The following PAK5 variants were observed in gnomAD, a reference collection of about 807,000 sequenced individuals.
The protein encoded by PAK5 is p21 (RAC1) activated kinase 5.
A neutral mutation model predicts 65.9 loss-of-function variants in PAK5; 16 were observed. The ratio of observed to expected loss-of-function variants is 0.24; its 90% confidence interval spans 0.16 to 0.37. The LOEUF (loss-of-function observed/expected upper bound fraction) is 0.37, where lower values mean the gene tolerates loss of function less well. Ranked by LOEUF, PAK5 falls within the 10% of genes least tolerant of loss-of-function variation. PAK5 has a pLI of 1.00. For synonymous variants in PAK5, 371 were observed against 354.9 expected (o/e 1.05, Z -0.51); for missense variants, 785 against 903.9 (o/e 0.87, Z 1.69).
chr20:9,736,202 A>G (rs1375143790), intron 1 of PAK5, among the ~76,000 whole-genome samples: 1 of 152,022 alleles, frequency 6.6e-6, no homozygotes, highest in Non-Finnish European at 1.5e-5. Context: ...CGCCAGGCCA[A>G]TAGAAACAAT....
At position 9,581,679 on chromosome 20, in the gene PAK5, A is replaced by C. The variant is rs376107451; in HGVS notation, c.205-749T>G. Reference sequence around the variant, plus strand: ...GTAATGATGGTTGCACCTGGATCTTAGTGACAAATTGTTCCCTTTAATGAA... The same window carrying C: ...GTAATGATGGTTGCACCTGGATCTTCGTGACAAATTGTTCCCTTTAATGAA... On this transcript the variant is annotated intron_variant, in intron 3 of 9. Transcript: ENST00000353224. Among the ~76,000 whole-genome samples the C allele has an allele frequency of 6.6e-5, 10 of 152,294 alleles. No individual in the cohort carries two copies. In the East Asian group the frequency reaches 1.7e-3, roughly 26 times the overall value.
chr20:9,632,867 G>A (rs926433903), intron 3 of PAK5, among the ~76,000 whole-genome samples: 1 of 152,194 alleles, frequency 6.6e-6, no homozygotes, highest in African/African-American at 2.4e-5. Flanking sequence ...ACAGTGATGT[G>A]GTGATTACAA....
At chr20:9,593,283 A>G (rs1000418931) in intron 3 of PAK5, among the ~76,000 whole-genome samples, 2 of 152,044 alleles carry the variant, frequency 1.3e-5, no homozygotes, top group African/African-American at 4.8e-5. Context: ...CAGCCTGAGC[A>G]ACAGAGTGAG....
At chr20:9,770,712 G>A (rs919781754) in intron 1 of PAK5, among the ~76,000 whole-genome samples, 1 of 152,154 alleles carries the variant, frequency 6.6e-6, no homozygotes, top group Non-Finnish European at 1.5e-5. Context: ...AGAAAATTGG[G>A]ACATGAAGAG....
At chr20:9,612,604 GT>G (rs762652906) in intron 3 of PAK5, among the ~76,000 whole-genome samples, 1 of 152,048 alleles carries the variant, frequency 6.6e-6, no homozygotes, top group Non-Finnish European at 1.5e-5. Context: ...TACCAAGACG[GT>G]TGGTGCTAAA....
intron 2 of PAK5, among the ~76,000 whole-genome samples, chr20:9,674,115 A>C (rs953457840): frequency 1.3e-5 from 2 of 152,214 alleles, no homozygotes; most frequent in Admixed American, 6.5e-5. Flanking sequence ...GAAAAGCCCC[A>C]AAAGCCAGGA....
chr20:9,665,663 T>C (rs78373417), intron 2 of PAK5, among the ~76,000 whole-genome samples: 3 of 92,202 alleles, frequency 3.3e-5, no homozygotes, highest in Admixed American at 1.0e-4. Flanking sequence ...TTTTCTTTTC[T>C]TTTTTTTTTT....
In PAK5 at chr20:9,653,283, A is replaced by G. The variant is rs146257888; in HGVS notation, c.-11-8944T>C. Reference sequence around the variant, plus strand: ...CTGCATGGAAAGTGTGTTAAATATAACAATCAAAAGCCACTACTTCACCAT... The same window carrying G: ...CTGCATGGAAAGTGTGTTAAATATAGCAATCAAAAGCCACTACTTCACCAT... On this transcript the variant is annotated intron_variant, in intron 2 of 9. Coordinates refer to ENST00000353224, the MANE Select transcript of PAK5 (RefSeq NM_177990.4). Among the ~76,000 whole-genome samples, 71 of 152,290 alleles carry G rather than the reference A, an allele frequency of 4.7e-4. 1 individual carries two copies. In the East Asian group the frequency reaches 0.013, roughly 28 times the overall value.
At chr20:9,829,311 A>G (rs1037349196) in intron 1 of PAK5, among the ~76,000 whole-genome samples, 1 of 152,194 alleles carries the variant, frequency 6.6e-6, no homozygotes, top group African/African-American at 2.4e-5. Flanking sequence ...TAATCTAGTG[A>G]CTTTTAAATT....
At chr20:9,632,715 A>G (rs928294542) in intron 3 of PAK5, among the ~76,000 whole-genome samples, 5 of 152,210 alleles carry the variant, frequency 3.3e-5, no homozygotes, top group Non-Finnish European at 7.4e-5. Flanking sequence ...TGGTCTTAGG[A>G]AAAAACACTG....
intron 3 of PAK5, among the ~76,000 whole-genome samples, chr20:9,630,344 T>C (rs149413312): frequency 9.2e-5 from 14 of 152,260 alleles, no homozygotes; most frequent in African/African-American, 2.9e-4. Context: ...AAGGGGTCTT[T>C]TAAGAAATTA....
intron 1 of PAK5, among the ~76,000 whole-genome samples, chr20:9,735,500 G>A (rs1264916747): frequency 6.6e-6 from 1 of 152,080 alleles, no homozygotes; most frequent in Non-Finnish European, 1.5e-5. Flanking sequence ...TCATCAGCAA[G>A]ACTGGAAAGG....
At chr20:9,657,039 C>T (rs2047277600) in intron 2 of PAK5, among the ~76,000 whole-genome samples, 2 of 152,094 alleles carry the variant, frequency 1.3e-5, no homozygotes, top group South Asian at 4.1e-4. Flanking sequence ...TATGTCTATG[C>T]CATTTTATCA....
chr20:9,687,392 A>G (rs181086023), intron 2 of PAK5, among the ~76,000 whole-genome samples: 3 of 152,198 alleles, frequency 2.0e-5, no homozygotes, highest in Non-Finnish European at 2.9e-5. Flanking sequence ...TCTAACTTGT[A>G]AAGTATTTCC....
chr20:9,746,184 T>C (rs1398719474), intron 1 of PAK5, among the ~76,000 whole-genome samples: 1 of 152,120 alleles, frequency 6.6e-6, no homozygotes, highest in African/African-American at 2.4e-5. Context: ...GCTGATAGAC[T>C]TCATACAGCC....
chr20:9,802,937 T>TATA (rs1436279274), intron 1 of PAK5, among the ~76,000 whole-genome samples: 1 of 133,646 alleles, frequency 7.5e-6, no homozygotes, highest in Non-Finnish European at 1.6e-5. Context: ...TATATATGAA[T>TATA]TACTAATAGC....
intron 3 of PAK5, among the ~76,000 whole-genome samples, chr20:9,599,152 C>T (rs967567269): frequency 3.3e-5 from 5 of 152,304 alleles, no homozygotes; most frequent in Admixed American, 1.3e-4. Flanking sequence ...TATTTCACTT[C>T]GCATAGTGTT....
chr20:9,702,811 C>A (rs2047956762), intron 2 of PAK5, among the ~76,000 whole-genome samples: 1 of 152,152 alleles, frequency 6.6e-6, no homozygotes, highest in Admixed American at 6.6e-5. Context: ...GGCCACCTGA[C>A]CTCTAACACT....
chr20:9,744,399 C>T (rs1374071027), intron 1 of PAK5, among the ~76,000 whole-genome samples: 1 of 152,194 alleles, frequency 6.6e-6, no homozygotes, highest in African/African-American at 2.4e-5. Context: ...ACTGGCAAAA[C>T]TGGCTTGTGC....
Sources: allele counts gnomAD v4.1 joint callset (sites outside exome capture counted in the v4.1 genomes callset), GRCh38; gene constraint gnomAD v4.1.1; transcripts MANE v1.5; gene names NCBI Gene and HGNC (gene_info 2026-07-23, HGNC 2026-07-21).